PPM1L: variants seen among roughly 807,000 people sequenced by gnomAD.
PPM1L encodes protein phosphatase, Mg2+/Mn2+ dependent 1L.
Under a neutral mutation model 31.4 loss-of-function variants are expected in PPM1L, and 13 were observed. The ratio of observed to expected loss-of-function variants is 0.41; its 90% CI spans 0.27 to 0.66. PPM1L has a LOEUF of 0.66. PPM1L is among the 30% of genes least tolerant of loss of function. The pLI, the probability that PPM1L is intolerant of heterozygous loss-of-function variation, is 0.29. For synonymous variants in PPM1L, 184 were observed against 175.4 expected, an observed-to-expected ratio of 1.05 and a Z score of -0.39; for missense variants, 326 against 453.7, an observed-to-expected ratio of 0.72 and a Z score of 2.56.
chr3:161,033,210 A>G (rs1455147945), intron 2 of PPM1L, among the ~76,000 whole-genome samples: 3 of 152,158 alleles, frequency 2.0e-5, no homozygotes, highest in Non-Finnish European at 2.9e-5. Flanking sequence ...ACAAATGGAA[A>G]AATGTTTCAT....
intron 2 of PPM1L, among the ~76,000 whole-genome samples, chr3:160,977,155 GGAATTATCTTT>G (rs1477767364): frequency 1.3e-5 from 2 of 152,116 alleles, no homozygotes; most frequent in Non-Finnish European, 2.9e-5. Context: ...AGTGCCCAGA[GGAATTATCTTT>G]GTGTTTCCTT....
intron 1 of PPM1L, among the ~76,000 whole-genome samples, chr3:160,911,369 G>C (rs1713967702): frequency 6.6e-6 from 1 of 152,154 alleles, no homozygotes; most frequent in Non-Finnish European, 1.5e-5. Flanking sequence ...AACCATAGCT[G>C]TCTAGCACTG....
chr3:160,941,486 C>T (rs575079234), intron 1 of PPM1L, among the ~76,000 whole-genome samples: 2 of 152,256 alleles, frequency 1.3e-5, no homozygotes, highest in South Asian at 2.1e-4. Flanking sequence ...CAGTGTTTCT[C>T]ATGGTATTCT....
chr3:160,997,822 T>C (rs1421553387), intron 2 of PPM1L, among the ~76,000 whole-genome samples: 1 of 152,118 alleles, frequency 6.6e-6, no homozygotes, highest in East Asian at 1.9e-4. Flanking sequence ...ATAAATTTCC[T>C]CCTTTCTTCT....
intron 1 of PPM1L, among the ~76,000 whole-genome samples, chr3:160,900,381 T>C (rs1713498466): frequency 6.6e-6 from 1 of 152,128 alleles, no homozygotes; most frequent in African/African-American, 2.4e-5. Flanking sequence ...TTGACTTTAT[T>C]GATTTTTTAA....
At chr3:160,851,643 A>C (rs879409018) in intron 1 of PPM1L, among the ~76,000 whole-genome samples, 1 of 152,228 alleles carries the variant, frequency 6.6e-6, no homozygotes, top group African/African-American at 2.4e-5. Context: ...GGAAGAAAAG[A>C]GATACATTTT....
intron 1 of PPM1L, among the ~76,000 whole-genome samples, chr3:160,875,280 G>A (rs1040225492): frequency 2.6e-5 from 4 of 152,016 alleles, no homozygotes; most frequent in Non-Finnish European, 5.9e-5. Flanking sequence ...GTGTCATTTG[G>A]GCTATTGTAA....
chr3:161,018,046 A>T (rs1370743097), intron 2 of PPM1L, among the ~76,000 whole-genome samples: 1 of 151,200 alleles, frequency 6.6e-6, no homozygotes, highest in African/African-American at 2.4e-5. Flanking sequence ...ATGACTCCTT[A>T]AAAAAAAAGA....
chr3:160,939,107 A>G (rs764876994), intron 1 of PPM1L, among the ~76,000 whole-genome samples: 6 of 152,166 alleles, frequency 3.9e-5, no homozygotes, highest in Non-Finnish European at 7.3e-5. Context: ...TGTTCAACAT[A>G]TAGAGAGTTT....
intron 2 of PPM1L, among the ~76,000 whole-genome samples, chr3:161,043,279 TA>T (rs1718964042): frequency 6.6e-6 from 1 of 152,190 alleles, no homozygotes; most frequent in Non-Finnish European, 1.5e-5. Context: ...TTTTTCAGTT[TA>T]AAAGATGCCT....
intron 1 of PPM1L, among the ~76,000 whole-genome samples, chr3:160,860,638 C>G (rs1348348554): frequency 1.3e-5 from 2 of 152,178 alleles, no homozygotes; most frequent in African/African-American, 4.8e-5. Context: ...CTTTATATCT[C>G]AAAGCATCCT....
At chr3:160,902,123 C>T (rs549021632) in intron 1 of PPM1L, among the ~76,000 whole-genome samples, 1 of 152,056 alleles carries the variant, frequency 6.6e-6, no homozygotes, top group African/African-American at 2.4e-5. Flanking sequence ...CACAACCATA[C>T]CTATCCATTT....
chr3:160,936,512 G>A (rs1478418766), intron 1 of PPM1L, among the ~76,000 whole-genome samples: 1 of 152,164 alleles, frequency 6.6e-6, no homozygotes, highest in Non-Finnish European at 1.5e-5. Context: ...AGCTGTAAGT[G>A]CATAAAGTTT....
chr3:160,872,116 T>C (rs761343329), intron 1 of PPM1L, among the ~76,000 whole-genome samples: 15 of 152,164 alleles, frequency 9.9e-5, no homozygotes, highest in Non-Finnish European at 2.1e-4. Flanking sequence ...GTGTGCACTG[T>C]AGCTAACAGC....
At chr3:160,876,193 A>C (rs1179534258) in intron 1 of PPM1L, among the ~76,000 whole-genome samples, 2 of 152,212 alleles carry the variant, frequency 1.3e-5, no homozygotes, top group African/African-American at 4.8e-5. Context: ...CCAACTGTTG[A>C]GTGTTTAAAG....
intron 1 of PPM1L, among the ~76,000 whole-genome samples, chr3:160,843,721 G>C (rs1308256952): frequency 1.3e-5 from 2 of 151,606 alleles, no homozygotes; most frequent in African/African-American, 2.4e-5. Context: ...AAGACAGTGT[G>C]GCGATTCCTC....
chr3:160,764,093 G>A (rs1715040566), intron 1 of PPM1L, among the ~76,000 whole-genome samples: 1 of 152,008 alleles, frequency 6.6e-6, no homozygotes, highest in Non-Finnish European at 1.5e-5. Flanking sequence ...TACATTTTTG[G>A]TGTATTGCTT....
At chr3:160,903,289 G>T (rs1713624774) in intron 1 of PPM1L, among the ~76,000 whole-genome samples, 1 of 151,070 alleles carries the variant, frequency 6.6e-6, no homozygotes, top group Admixed American at 6.6e-5. Context: ...TGCAGGAGCT[G>T]GCAGATCAAA....
At chr3:160,959,392 A>G (rs1348965456) in intron 1 of PPM1L, among the ~76,000 whole-genome samples, 1 of 152,204 alleles carries the variant, frequency 6.6e-6, no homozygotes, top group Non-Finnish European at 1.5e-5. Context: ...AGAAATCACC[A>G]CTAAAGAACT....
Sources: allele counts gnomAD v4.1 joint callset (sites outside exome capture counted in the v4.1 genomes callset), GRCh38; gene constraint gnomAD v4.1.1; transcripts MANE v1.5; gene names NCBI Gene and HGNC (gene_info 2026-07-23, HGNC 2026-07-21).